GMDS: variants seen among roughly 807,000 people sequenced by gnomAD.
GMDS encodes GDP-mannose 4,6-dehydratase.
In GMDS, 20 loss-of-function variants were observed where a neutral mutation model predicts 49.9. The observed-to-expected ratio is 0.40, with a 90% CI of 0.28 to 0.58. GMDS has a LOEUF of 0.58. Among genes scored for constraint, GMDS ranks in the 20% least tolerant of loss-of-function variants. The probability of loss-of-function intolerance (pLI) is 0.42; values close to 1 mark genes in which losing one functional copy is unlikely to be tolerated. For synonymous variants in GMDS, 177 were observed against 178.6 expected (o/e 0.99, Z 0.07); for missense variants, 362 against 481.4 (o/e 0.75, Z 2.32).
chr6:1,983,462 A>T (rs1446370439), intron 4 of GMDS, among the ~76,000 whole-genome samples: 1 of 152,224 alleles, frequency 6.6e-6, no homozygotes, highest in Non-Finnish European at 1.5e-5. Flanking sequence ...ATGGAAAAAA[A>T]TTTTTCCAAT....
chr6:1,633,701 G>A (rs1037898974), intron 9 of GMDS, among the ~76,000 whole-genome samples: 3 of 152,286 alleles, frequency 2.0e-5, no homozygotes, highest in East Asian at 1.9e-4. Context: ...AGGGAACCCC[G>A]GAGAGAAGGC....
intron 4 of GMDS, among the ~76,000 whole-genome samples, chr6:2,103,288 T>G (rs922106059): frequency 6.6e-6 from 1 of 152,182 alleles, no homozygotes; most frequent in African/African-American, 2.4e-5. Context: ...GTGTTATTTT[T>G]TGAACTCAGA....
intron 7 of GMDS, among the ~76,000 whole-genome samples, chr6:1,775,556 T>A (rs1405923941): frequency 6.6e-6 from 1 of 152,210 alleles, no homozygotes; most frequent in Admixed American, 6.5e-5. Flanking sequence ...CTTTGAACCT[T>A]CCTTGACCTC....
chr6:1,946,317 A>G (rs969734220), intron 6 of GMDS, among the ~76,000 whole-genome samples: 11 of 152,218 alleles, frequency 7.2e-5, no homozygotes, highest in African/African-American at 2.4e-4. Context: ...GGGTCAAACC[A>G]CATGAGTCCA....
chr6:2,087,484 C>G (rs996461295), intron 4 of GMDS, among the ~76,000 whole-genome samples: 5 of 152,140 alleles, frequency 3.3e-5, no homozygotes, highest in African/African-American at 1.2e-4. Flanking sequence ...TCTCTCTGAA[C>G]TCAATCTTAA....
rs576781232 is a variant in GMDS, at chr6:1,979,087, G to A, written c.346-18121C>T. On this transcript the variant is annotated intron_variant, in intron 4 of 10. Coordinates refer to ENST00000380815, the MANE Select transcript of GMDS (RefSeq NM_001500.4). ...CATTTGTAAATAAGCCCACAAAGAT[G>A]AGAAAAAAAATCAACACAAAAACTC... Among the ~76,000 whole-genome samples the A allele has an allele frequency of 2.3e-3, 346 of 152,220 alleles. 1 individual carries two copies. Among genetic ancestry groups the A allele is most frequent in the Admixed American group, 4.1e-3 (63 of 15,288 alleles).
rs537402894 is a variant in GMDS at position 2,210,896 on chromosome 6, C to T, written c.102+34425G>A. 5.3e-5 allele frequency among the ~76,000 whole-genome samples: 8 copies of T among 152,232 alleles called. No homozygotes were observed. In the South Asian group the frequency reaches 1.0e-3, roughly 20 times the overall value. ...GTGGGAGATAATTGGATCATGGGGG[C>T]GGATGTCCCCCTTTCTGTTCTCGTG... is the stretch of plus-strand genomic sequence containing the variant. On this transcript the variant is annotated intron_variant, in intron 1 of 10. Transcript: ENST00000380815.
chr6:1,704,668 A>G (rs1765663044), intron 9 of GMDS, among the ~76,000 whole-genome samples: 2 of 152,334 alleles, frequency 1.3e-5, no homozygotes, highest in South Asian at 4.1e-4. Flanking sequence ...TCCAGTGTGT[A>G]ATACGTACGC....
At chr6:1,655,476 T>TAC (rs751129753) in intron 9 of GMDS, among the ~76,000 whole-genome samples, 200 of 81,156 alleles carry the variant, frequency 2.5e-3, no homozygotes, top group African/African-American at 6.7e-3. Flanking sequence ...TTGAAAGCCT[T>TAC]ACACACACAC....
chr6:1,990,014 AG>A (rs1258059295), intron 4 of GMDS, among the ~76,000 whole-genome samples: 2 of 152,260 alleles, frequency 1.3e-5, no homozygotes, highest in Non-Finnish European at 2.9e-5. Context: ...TGTTAGCCAT[AG>A]GCTGGGCGCA....
chr6:1,838,997 A>G (rs1757042031), intron 7 of GMDS, among the ~76,000 whole-genome samples: 1 of 152,182 alleles, frequency 6.6e-6, no homozygotes, highest in South Asian at 2.1e-4. Flanking sequence ...GTACAACGAC[A>G]AGTGTTTGAC....
intron 4 of GMDS, among the ~76,000 whole-genome samples, chr6:2,080,161 G>A (rs1466892439): frequency 6.6e-6 from 1 of 151,952 alleles, no homozygotes; most frequent in Non-Finnish European, 1.5e-5. Flanking sequence ...TTTCTGTATG[G>A]TTCTTTTTTA....
intron 4 of GMDS, among the ~76,000 whole-genome samples, chr6:2,044,559 C>T (rs1030536510): frequency 1.3e-5 from 2 of 151,886 alleles, no homozygotes; most frequent in African/African-American, 2.4e-5. Flanking sequence ...CTGGGGCTTC[C>T]CAGAGGGTGG....
chr6:2,079,828 T>C (rs1772567891), intron 4 of GMDS, among the ~76,000 whole-genome samples: 1 of 152,184 alleles, frequency 6.6e-6, no homozygotes, highest in Admixed American at 6.5e-5. Flanking sequence ...CTCCTGTTTC[T>C]GGATATCTAA....
chr6:2,114,607 A>G (rs1440911741), intron 4 of GMDS, among the ~76,000 whole-genome samples: 1 of 152,254 alleles, frequency 6.6e-6, no homozygotes, highest in Non-Finnish European at 1.5e-5. Context: ...ATCATCACAG[A>G]TTAAGAAAAG....
At chr6:1,907,057 A>G (rs1581339130) in intron 7 of GMDS, among the ~76,000 whole-genome samples, 1 of 151,892 alleles carries the variant, frequency 6.6e-6, no homozygotes, top group Non-Finnish European at 1.5e-5. Context: ...AGGATTCCTT[A>G]TTTTTCTGTC....
chr6:2,197,158 TGATA>T (rs1779308064), intron 1 of GMDS, among the ~76,000 whole-genome samples: 1 of 152,358 alleles, frequency 6.6e-6, no homozygotes, highest in Non-Finnish European at 1.5e-5. Flanking sequence ...ACATCCATTA[TGATA>T]ACTGTTCCCA....
chr6:1,697,786 T>C (rs961568018), intron 9 of GMDS, among the ~76,000 whole-genome samples: 5 of 152,170 alleles, frequency 3.3e-5, no homozygotes, highest in African/African-American at 1.2e-4. Context: ...TCAGACTAGA[T>C]GCCAAGGAGA....
intron 9 of GMDS, among the ~76,000 whole-genome samples, chr6:1,670,042 C>T (rs1387621409): frequency 6.6e-6 from 1 of 150,902 alleles, no homozygotes; most frequent in African/African-American, 2.4e-5. Flanking sequence ...TCCATAGGAA[C>T]ATCTTGGTGT....
Sources: allele counts gnomAD v4.1 joint callset (sites outside exome capture counted in the v4.1 genomes callset), GRCh38; gene constraint gnomAD v4.1.1; transcripts MANE v1.5; gene names NCBI Gene and HGNC (gene_info 2026-07-23, HGNC 2026-07-21).